DLC1: variants seen among roughly 807,000 people sequenced by gnomAD.
DLC1 encodes the protein rho GTPase-activating protein 7.
DLC1 carries 54 observed loss-of-function variants against 140.3 expected under a neutral mutation model. The ratio of observed to expected loss-of-function variants is 0.38; its 90% CI spans 0.31 to 0.48. The LOEUF (loss-of-function observed/expected upper bound fraction) is 0.48, where lower values mean the gene tolerates loss of function less well. Ranked by LOEUF, DLC1 falls within the 20% of genes least tolerant of loss-of-function variation. The pLI, the probability that DLC1 is intolerant of heterozygous loss-of-function variation, is 0.96. For synonymous variants in DLC1, 986 were observed against 728.1 expected, an observed-to-expected ratio of 1.35 and a Z score of -5.70; for missense variants, 2,536 against 1,907.0, an observed-to-expected ratio of 1.33 and a Z score of -6.14.
At chr8:13,269,573 C>G (rs895781813) in intron 5 of DLC1, among the ~76,000 whole-genome samples, 1 of 151,648 alleles carries the variant, frequency 6.6e-6, no homozygotes, top group Non-Finnish European at 1.5e-5. Flanking sequence ...AAATTAGCCA[C>G]AACCCTATAG....
At chr8:13,311,264 A>G (rs1477116152) in intron 4 of DLC1, among the ~76,000 whole-genome samples, 1 of 152,206 alleles carries the variant, frequency 6.6e-6, no homozygotes, top group East Asian at 1.9e-4. Flanking sequence ...GATGGAAACT[A>G]GACCAGAATG....
intron 5 of DLC1, among the ~76,000 whole-genome samples, chr8:13,302,452 A>T (rs1214819020): frequency 1.3e-5 from 2 of 152,220 alleles, no homozygotes; most frequent in African/African-American, 2.4e-5. Flanking sequence ...GGCAGGAGAC[A>T]AGCAGCAGAA....
chr8:13,511,604 ATGT>A (rs1392143291), intron 1 of DLC1, among the ~76,000 whole-genome samples: 3 of 152,160 alleles, frequency 2.0e-5, no homozygotes, highest in African/African-American at 7.2e-5. Flanking sequence ...TGTTTGGTCT[ATGT>A]TGTTTATGCA....
chr8:13,484,519 C>G (rs1021060753), intron 2 of DLC1, among the ~76,000 whole-genome samples: 1 of 152,050 alleles, frequency 6.6e-6, no homozygotes. Flanking sequence ...CTTTAACTTG[C>G]TTTGCTTCAA....
chr8:13,537,752 C>T (rs1160003246), intron 1 of DLC1, among the ~76,000 whole-genome samples: 1 of 147,382 alleles, frequency 6.8e-6, no homozygotes, highest in Non-Finnish European at 1.5e-5. Context: ...CTCCCGGGTT[C>T]ACGCCATTCT....
chr8:13,581,569 C>A (rs1227692305), intron 1 of DLC1, among the ~76,000 whole-genome samples: 3 of 152,156 alleles, frequency 2.0e-5, no homozygotes, highest in Non-Finnish European at 4.4e-5. Flanking sequence ...ATTTAAAGGT[C>A]TTTATATCCA....
chr8:13,461,922 A>G (rs564055532), intron 2 of DLC1, among the ~76,000 whole-genome samples: 7 of 152,330 alleles, frequency 4.6e-5, no homozygotes, highest in African/African-American at 1.7e-4. Context: ...ATCTACCAGC[A>G]ACAATATTAG....
chr8:13,371,636 G>GATCC lies in DLC1; in HGVS notation c.1314+21913_1314+21916dup, dbSNP rs1256210361. Among the ~76,000 whole-genome samples, 4 of 151,194 alleles carry GATCC rather than the reference G, an allele frequency of 2.6e-5. No individual in the cohort carries two copies. In the East Asian group the frequency reaches 7.8e-4, roughly 30 times the overall value. On this transcript the variant is annotated intron_variant, in intron 4 of 17. Coordinates refer to ENST00000276297, the MANE Select transcript of DLC1 (RefSeq NM_182643.3). Reference sequence around the variant, plus strand: ...TTCCTTGGCATTCTACATCAGGAAAGATCCATCTGTCCTTAAATATCCAAT... The same window carrying GATCC: ...TTCCTTGGCATTCTACATCAGGAAAGATCCATCCATCTGTCCTTAAATATCCAAT...
At chr8:13,543,362 C>T (rs963243550) in intron 1 of DLC1, among the ~76,000 whole-genome samples, 1 of 152,088 alleles carries the variant, frequency 6.6e-6, no homozygotes, top group African/African-American at 2.4e-5. Flanking sequence ...GACCTAATAG[C>T]TAGTGCAGTC....
At chr8:13,396,320 A>C (rs1437034257) in intron 3 of DLC1, among the ~76,000 whole-genome samples, 2 of 151,982 alleles carry the variant, frequency 1.3e-5, no homozygotes, top group Non-Finnish European at 2.9e-5. Flanking sequence ...CAGCCTCCCA[A>C]AGTGCTGAGA....
chr8:13,096,883 C>T (rs991573609), intron 10 of DLC1, among the ~76,000 whole-genome samples: 2 of 152,174 alleles, frequency 1.3e-5, no homozygotes, highest in Admixed American at 1.3e-4. Context: ...ATAATAAACA[C>T]TCAGATTACT....
intron 2 of DLC1, among the ~76,000 whole-genome samples, chr8:13,432,310 T>C (rs1838914737): frequency 6.6e-6 from 1 of 152,166 alleles, no homozygotes; most frequent in Non-Finnish European, 1.5e-5. Flanking sequence ...ATGGTAGACA[T>C]GGGAATGGTG....
intron 4 of DLC1, among the ~76,000 whole-genome samples, chr8:13,380,835 ACCTCAATTC>A (rs1836219301): frequency 1.3e-5 from 2 of 152,212 alleles, no homozygotes; most frequent in Admixed American, 1.3e-4. Flanking sequence ...TGCATTCAAG[ACCTCAATTC>A]TCCTGCCTTC....
intron 5 of DLC1, among the ~76,000 whole-genome samples, chr8:13,176,523 G>A (rs939099447): frequency 6.6e-6 from 1 of 152,146 alleles, no homozygotes; most frequent in African/African-American, 2.4e-5. Flanking sequence ...AGCTTGCAGT[G>A]AGCCAAGATT....
intron 2 of DLC1, among the ~76,000 whole-genome samples, chr8:13,421,083 T>C (rs1192017362): frequency 6.6e-6 from 1 of 152,206 alleles, no homozygotes; most frequent in Non-Finnish European, 1.5e-5. Flanking sequence ...TAGCTGTAAT[T>C]CCTCGTTAAT....
chr8:13,540,005 G>A (rs1335681497), intron 1 of DLC1, among the ~76,000 whole-genome samples: 2 of 152,178 alleles, frequency 1.3e-5, no homozygotes, highest in African/African-American at 2.4e-5. Flanking sequence ...AAACTCTGGA[G>A]ACAGTTCACA....
At chr8:13,412,361 G>C (rs1038015207) in intron 2 of DLC1, among the ~76,000 whole-genome samples, 1 of 152,078 alleles carries the variant, frequency 6.6e-6, no homozygotes, top group East Asian at 1.9e-4. Context: ...GAAATTTAAA[G>C]TAGAACACAT....
At chr8:13,120,356 A>AAAAAAAAAATATATATATATATATAT in intron 5 of DLC1, among the ~76,000 whole-genome samples, 185 of 60,994 alleles carry the variant, frequency 3.0e-3, no homozygotes, top group Non-Finnish European at 4.9e-3. Flanking sequence ...AAAAAAAAAA[A>AAAAAAAAAATATATATATATATATAT]ATATATATAT....
intron 5 of DLC1, among the ~76,000 whole-genome samples, chr8:13,215,241 T>C (rs757671519): frequency 1.3e-5 from 2 of 152,192 alleles, no homozygotes; most frequent in Non-Finnish European, 2.9e-5. Context: ...AAAAAATTAA[T>C]AAAAGTAGTT....
Sources: allele counts gnomAD v4.1 joint callset (sites outside exome capture counted in the v4.1 genomes callset), GRCh38; gene constraint gnomAD v4.1.1; transcripts MANE v1.5; gene names NCBI Gene and HGNC (gene_info 2026-07-23, HGNC 2026-07-21).